Variants in HERC1 observed in about 807,000 individuals in gnomAD.
HERC1 encodes the protein HECT and RLD domain containing E3 ubiquitin protein ligase family member 1.
A neutral mutation model predicts 554.3 loss-of-function variants in HERC1; 160 were observed. The ratio of observed to expected loss-of-function variants is 0.29; its 90% CI spans 0.25 to 0.33. The LOEUF (loss-of-function observed/expected upper bound fraction) is 0.33, where lower values mean the gene tolerates loss of function less well. HERC1 is among the 10% of genes least tolerant of loss of function. The pLI is 1.00. For synonymous variants in HERC1, 2,175 were observed against 2,131.7 expected (o/e 1.02, Z -0.56); for missense variants, 4,919 against 5,918.5 (o/e 0.83, Z 5.54).
rs143578318 is a variant in HERC1, at chr15:63,669,262, T to C, written c.8206+276A>G. On this transcript the variant is annotated intron_variant, in intron 40 of 77. Transcript: ENST00000443617. ...AATGTGTGGGTTGCAGCTAAAGCAG[T>C]ACTTAAAGGGAAACTTACAACACTA... 5.3e-4 allele frequency among the ~76,000 whole-genome samples: 80 copies of C among 152,286 alleles called. No individual in the cohort carries two copies. The East Asian group carries it at 0.014, about 27-fold the overall frequency.
intron 68 of HERC1, among the ~76,000 whole-genome samples, chr15:63,631,184 A>G (rs879671580): frequency 3.9e-5 from 6 of 152,148 alleles, no homozygotes; most frequent in Non-Finnish European, 2.9e-5. Flanking sequence ...AGATCATTCA[A>G]CTTGTCTTGT....
chr15:63,803,131 C>T (rs75480383), intron 1 of HERC1, among the ~76,000 whole-genome samples: 62 of 152,100 alleles, frequency 4.1e-4, no homozygotes, highest in African/African-American at 9.9e-4. Flanking sequence ...CTTAAGCCTA[C>T]GAGGCTGCAG....
chr15:63,668,622 G>A (rs1188614550), intron 40 of HERC1, among the ~76,000 whole-genome samples: 1 of 152,140 alleles, frequency 6.6e-6, no homozygotes, highest in African/African-American at 2.4e-5. Flanking sequence ...TTTTTAAAAA[G>A]CAGGAGTGGC....
intron 1 of HERC1, among the ~76,000 whole-genome samples, chr15:63,801,465 C>T (rs1399559666): frequency 6.6e-6 from 1 of 152,064 alleles, no homozygotes; most frequent in East Asian, 1.9e-4. Flanking sequence ...GATTGGTGTA[C>T]GCAAAAAACT....
chr15:63,695,035 T>A, intron 27 of HERC1, 141 bp from the exon 28 acceptor site: 1 of 650,260 alleles, frequency 1.5e-6, no homozygotes, highest in Non-Finnish European at 2.2e-6. Flanking sequence ...ATATATAAAG[T>A]ATATAATAAT....
At chr15:63,651,200 A>T in intron 53 of HERC1, 53 bp downstream of exon 53, 1 of 1,554,868 alleles carries the variant, frequency 6.4e-7, no homozygotes, top group Non-Finnish European at 8.8e-7. Flanking sequence ...GACTAAGAAG[A>T]AGGCTTTAAA....
At chr15:63,629,241 C>T (rs182407063) in intron 69 of HERC1, among the ~76,000 whole-genome samples, 4 of 152,282 alleles carry the variant, frequency 2.6e-5, no homozygotes, top group South Asian at 2.1e-4. Flanking sequence ...TGAGCCACCA[C>T]GCCCAGCCCC....
At chr15:63,740,216 G>T (rs776012202) in intron 12 of HERC1, among the ~76,000 whole-genome samples, 6 of 152,092 alleles carry the variant, frequency 3.9e-5, no homozygotes, top group Admixed American at 3.9e-4. Flanking sequence ...AGCCACTTAG[G>T]ATAATATTTA....
In HERC1 at chr15:63,753,239, G is replaced by A. The variant is rs145611894; in HGVS notation, c.1775-154C>T. ...CTGATAGCTGAGGATGTTAACAAAC[G>A]AGCATTTTTATTACAAGAAAGTTAA... On this transcript the variant is annotated intron_variant, in intron 7 of 77. Coordinates refer to ENST00000443617, the MANE Select transcript of HERC1 (RefSeq NM_003922.4). Among the ~76,000 whole-genome samples the A allele has an allele frequency of 9.9e-5, 15 of 152,222 alleles. No individual in the cohort carries two copies. The East Asian group carries it at 1.3e-3, about 14-fold the overall frequency.
At chr15:63,772,599 T>C (rs1246256443) in intron 2 of HERC1, among the ~76,000 whole-genome samples, 1 of 151,746 alleles carries the variant, frequency 6.6e-6, no homozygotes, top group East Asian at 1.9e-4. Flanking sequence ...CCAGAAAGTA[T>C]TAAGAATCAG....
intron 1 of HERC1, among the ~76,000 whole-genome samples, chr15:63,804,461 C>A (rs1420055901): frequency 2.6e-5 from 4 of 152,054 alleles, no homozygotes; most frequent in African/African-American, 9.7e-5. Flanking sequence ...TGGCGGGCGC[C>A]TGTCATTCCA....
At position 63,640,449 on chromosome 15, in the gene HERC1, A is replaced by C. The variant is rs1233706151; in HGVS notation, c.11608-4T>G. On this transcript the variant is annotated splice_region_variant and splice_polypyrimidine_tract_variant and intron_variant, in intron 60 of 77. Coordinates refer to ENST00000443617, the MANE Select transcript of HERC1 (RefSeq NM_003922.4). The stretch of plus-strand genomic sequence containing the variant: ...GGTCACCACAAACCACATGAGGCTA[A>C]AACAAAATACAAGGATATAATATGT... 1.2e-6 allele frequency: 2 copies of C among 1,609,056 alleles called. No individual in the cohort carries two copies. The highest frequency in any genetic ancestry group is 1.7e-6 in the Non-Finnish European group (2 of 1,175,822).
chr15:63,717,764 C>T (rs1473130881), intron 21 of HERC1, among the ~76,000 whole-genome samples: 7 of 152,050 alleles, frequency 4.6e-5, no homozygotes, highest in African/African-American at 1.2e-4. Flanking sequence ...CCCAGCTACT[C>T]GGGAGGCTGA....
rs1400864014 is a variant in HERC1, at chr15:63,718,483, C to T, written c.3978+91G>A. The T allele has an allele frequency of 7.0e-6, 9 of 1,288,860 alleles. No individual in the cohort carries two copies. The highest frequency in any genetic ancestry group is 9.5e-6 in the Non-Finnish European group (9 of 951,982). The allele number at this position is 1,288,860 out of a possible 1,614,324, so 79.8% of individuals were successfully genotyped here. A position where few individuals can be genotyped will look rare whatever the true frequency, so the allele number is the denominator to read the frequency against. Reference sequence around the variant, plus strand: ...ACATGTATTGAACATATGCAATAACCAAGGCACATTTTTTTCTCACATAAA... The same window carrying T: ...ACATGTATTGAACATATGCAATAACTAAGGCACATTTTTTTCTCACATAAA... On this transcript the variant is annotated intron_variant, in intron 21 of 77. Coordinates refer to ENST00000443617, the MANE Select transcript of HERC1 (RefSeq NM_003922.4). The surrounding 1 kb of genome is among the most constrained non-coding windows in gnomAD (Gnocchi z 4.2).
chr15:63,644,398 G>C (rs549125180), intron 57 of HERC1, among the ~76,000 whole-genome samples: 1 of 152,220 alleles, frequency 6.6e-6, no homozygotes, highest in Non-Finnish European at 1.5e-5. Flanking sequence ...TGGATTCTTA[G>C]CATCTATAGA....
intron 69 of HERC1, among the ~76,000 whole-genome samples, chr15:63,629,780 T>C (rs2068466327): frequency 6.6e-6 from 1 of 152,216 alleles, no homozygotes; most frequent in Non-Finnish European, 1.5e-5. Context: ...TAAGGGTCCC[T>C]GGCACTAGGG....
chr15:63,810,378 T>C (rs2077265317), intron 1 of HERC1, among the ~76,000 whole-genome samples: 1 of 152,030 alleles, frequency 6.6e-6, no homozygotes, highest in Non-Finnish European at 1.5e-5. Flanking sequence ...TATGAGGAGA[T>C]CTTTAAACTA....
rs149868040 is a variant in HERC1, at chr15:63,626,244, G to A, written c.13106-90C>T. The A allele has an allele frequency of 1.3e-4, 167 of 1,291,044 alleles. No individual in the cohort carries two copies. In the African/African-American group the frequency reaches 1.8e-3, roughly 14 times the overall value. 80.0% of individuals were successfully genotyped at this position (1,291,044 alleles called of 1,614,324 possible). A position where few individuals can be genotyped will look rare whatever the true frequency, so the allele number is the denominator to read the frequency against. ...AAAATTTCAAGCATACAGAGAAGTT[G>A]AGATAATTACACAATGGACACCCAT... On this transcript the variant is annotated intron_variant, in intron 70 of 77. Transcript: ENST00000443617.
chr15:63,630,532 A>G lies in HERC1; in HGVS notation c.12900T>C (p.Ala4300=), dbSNP rs567669716. The change falls in exon 69 of 78, where the codon GCT becomes GCC. Residue 4300 remains alanine (A), a synonymous_variant. Transcript: ENST00000443617. ...TTGATGCCAAAGCAAGTGTGTGTTCAGCTCCAACTGCCACATCTTCTATGA... is the reference window on the plus strand; with the variant it reads ...TTGATGCCAAAGCAAGTGTGTGTTCGGCTCCAACTGCCACATCTTCTATGA... ...GVIIEDVAVG[A]EHTLALASNG... The G allele has an allele frequency of 1.4e-5, 22 of 1,614,052 alleles. No individual in the cohort carries two copies. In the South Asian group the frequency reaches 2.4e-4, roughly 18 times the overall value.
Sources: gnomAD v4.1 joint callset for allele counts (sites outside exome capture counted in the v4.1 genomes callset) on GRCh38, gnomAD v4.1.1 for gene constraint, Gnocchi (gnomAD v3.1) non-coding constraint, MANE v1.5 for transcripts, NCBI Gene and HGNC (gene_info 2026-07-23, HGNC 2026-07-21) for gene names.